The following CAMKMT variants were observed in gnomAD, a reference collection of about 807,000 sequenced individuals.
CAMKMT encodes the protein CaM KMT.
A neutral mutation model predicts 48.0 loss-of-function variants in CAMKMT; 53 were observed. The ratio of observed to expected loss-of-function variants is 1.10; its 90% confidence interval spans 0.89 to 1.39. The LOEUF is 1.39. Ranked by LOEUF, CAMKMT falls within the 40% of genes most tolerant of loss-of-function variation. The pLI is 0.00. For synonymous variants in CAMKMT, 165 were observed against 152.3 expected, an observed-to-expected ratio of 1.08 and a Z score of -0.61; for missense variants, 428 against 402.7, an observed-to-expected ratio of 1.06 and a Z score of -0.54.
intron 3 of CAMKMT, among the ~76,000 whole-genome samples, chr2:44,408,037 T>A (rs1682902827): frequency 6.7e-6 from 1 of 149,800 alleles, no homozygotes; most frequent in Non-Finnish European, 1.5e-5. Flanking sequence ...TTTTTTTTTT[T>A]TTTTTTTGAG....
At chr2:44,393,309 G>C (rs1681524995) in intron 3 of CAMKMT, 1 of 152,138 alleles carries the variant, frequency 6.6e-6, no homozygotes, top group Non-Finnish European at 1.5e-5. Flanking sequence ...TTAAATGTAT[G>C]AACTGCAAAG....
chr2:44,605,204 G>C (rs4953112), intron 3 of CAMKMT, among the ~76,000 whole-genome samples: 61,426 of 152,042 alleles, frequency 0.4, 14,508 homozygotes, highest in Middle Eastern at 0.55. Flanking sequence ...TTCACTTAAG[G>C]GGAAATCAAG....
At chr2:44,413,849 G>C (rs1322782064) in intron 3 of CAMKMT, among the ~76,000 whole-genome samples, 1 of 152,194 alleles carries the variant, frequency 6.6e-6, no homozygotes, top group Non-Finnish European at 1.5e-5. Context: ...TGTTCCAGAA[G>C]ACTTGATTTA....
chr2:44,562,842 T>C (rs1023905140), intron 3 of CAMKMT, among the ~76,000 whole-genome samples: 6 of 152,206 alleles, frequency 3.9e-5, no homozygotes, highest in Non-Finnish European at 8.8e-5. Context: ...ATTACAGGCG[T>C]GAGCCACAGT....
intron 2 of CAMKMT, among the ~76,000 whole-genome samples, chr2:44,386,398 C>G (rs949001032): frequency 6.6e-6 from 1 of 151,998 alleles, no homozygotes; most frequent in African/African-American, 2.4e-5. Flanking sequence ...TGGATTTTCT[C>G]TCTTCTTTTC....
intron 3 of CAMKMT, among the ~76,000 whole-genome samples, chr2:44,397,264 C>T (rs1356184242): frequency 2.0e-5 from 3 of 151,938 alleles, no homozygotes; most frequent in Admixed American, 6.6e-5. Context: ...GAATATTGAG[C>T]TTTGGGAATA....
chr2:44,512,547 C>G (rs1019732987), intron 3 of CAMKMT, among the ~76,000 whole-genome samples: 11 of 152,258 alleles, frequency 7.2e-5, no homozygotes, highest in African/African-American at 2.4e-4. Context: ...TTTTTCCTAC[C>G]CTTTCATTGT....
intron 3 of CAMKMT, among the ~76,000 whole-genome samples, chr2:44,694,126 A>T (rs994609994): frequency 1.3e-5 from 2 of 152,184 alleles, no homozygotes; most frequent in African/African-American, 4.8e-5. Flanking sequence ...TCCAGGACGA[A>T]CTATGAGAAG....
chr2:44,430,638 G>A (rs1036049166), intron 3 of CAMKMT, among the ~76,000 whole-genome samples: 1 of 152,024 alleles, frequency 6.6e-6, no homozygotes, highest in Non-Finnish European at 1.5e-5. Flanking sequence ...CCCCCGAGGT[G>A]TTTTTGTTTA....
At chr2:44,762,514 G>A (rs914537830) in intron 9 of CAMKMT, among the ~76,000 whole-genome samples, 1 of 152,168 alleles carries the variant, frequency 6.6e-6, no homozygotes, top group Admixed American at 6.5e-5. Flanking sequence ...TGAAGCTGGG[G>A]GGAGTGGGGA....
intron 2 of CAMKMT, among the ~76,000 whole-genome samples, chr2:44,375,415 C>G (rs17580340): frequency 0.53 from 79,907 of 151,068 alleles, 23,470 homozygotes; most frequent in Non-Finnish European, 0.67. Flanking sequence ...CAATACTATG[C>G]TTAAGGAGCT....
intron 3 of CAMKMT, among the ~76,000 whole-genome samples, chr2:44,425,102 A>G (rs572878932): frequency 6.6e-6 from 1 of 152,234 alleles, no homozygotes; most frequent in African/African-American, 2.4e-5. Flanking sequence ...AAAATGTTGC[A>G]TATTTTCAAA....
intron 3 of CAMKMT, among the ~76,000 whole-genome samples, chr2:44,647,562 C>T (rs1305246051): frequency 6.6e-6 from 1 of 152,024 alleles, no homozygotes; most frequent in Admixed American, 6.6e-5. Flanking sequence ...GTAACTGAAA[C>T]TTGAACTGTG....
rs572541677 is a variant in CAMKMT at position 44,556,391 on chromosome 2, G to A, written c.377-147892G>A. Among the ~76,000 whole-genome samples the A allele has an allele frequency of 3.0e-3, 456 of 150,882 alleles. 1 individual carries two copies. The highest frequency in any genetic ancestry group is 8.3e-3 in the African/African-American group (342 of 41,136). ...TGACCTCTGGTGATCCACCTGCCTC[G>A]GCCTCTCAAAGTGCTGGGATTACAG... On this transcript the variant is annotated intron_variant, in intron 3 of 10. Coordinates refer to ENST00000378494, the MANE Select transcript of CAMKMT (RefSeq NM_024766.5).
At chr2:44,393,063 A>C (rs1681502108) in intron 3 of CAMKMT, among the ~76,000 whole-genome samples, 1 of 152,190 alleles carries the variant, frequency 6.6e-6, no homozygotes, top group Non-Finnish European at 1.5e-5. Context: ...GTCATGGTTT[A>C]GTAGAACCAT....
intron 3 of CAMKMT, among the ~76,000 whole-genome samples, chr2:44,664,709 A>G (rs982280241): frequency 8.5e-5 from 13 of 152,252 alleles, no homozygotes; most frequent in African/African-American, 3.1e-4. Flanking sequence ...ACAAATTGAT[A>G]TTGGTATTCA....
At chr2:44,393,995 A>G (rs1681591065) in intron 3 of CAMKMT, among the ~76,000 whole-genome samples, 1 of 152,158 alleles carries the variant, frequency 6.6e-6, no homozygotes, top group Non-Finnish European at 1.5e-5. Flanking sequence ...TAATTTAACT[A>G]TTTGTTGTTT....
chr2:44,472,410 T>G (rs1045627137), intron 3 of CAMKMT, among the ~76,000 whole-genome samples: 5 of 152,254 alleles, frequency 3.3e-5, no homozygotes, highest in African/African-American at 1.2e-4. Context: ...ACCATAGTAG[T>G]CAGCGAATAA....
chr2:44,544,174 A>G (rs1233651550), intron 3 of CAMKMT, among the ~76,000 whole-genome samples: 2 of 152,080 alleles, frequency 1.3e-5, no homozygotes, highest in Non-Finnish European at 2.9e-5. Flanking sequence ...TCCCATGTTT[A>G]TACCTAAAAT....
Sources: gnomAD v4.1 joint callset for allele counts (sites outside exome capture counted in the v4.1 genomes callset) on GRCh38, gnomAD v4.1.1 for gene constraint, MANE v1.5 for transcripts, NCBI Gene and HGNC (gene_info 2026-07-23, HGNC 2026-07-21) for gene names.